The following SLC39A11 variants were observed in gnomAD, a reference collection of about 807,000 sequenced individuals.
SLC39A11 encodes the protein zinc transporter ZIP11.
In SLC39A11, 33 loss-of-function variants were observed where a neutral mutation model predicts 36.1. That is an observed-to-expected ratio of 0.91 (90% CI 0.69 to 1.22). The LOEUF (loss-of-function observed/expected upper bound fraction) is 1.22. Among genes scored for constraint, SLC39A11 ranks in the 50% most tolerant of loss-of-function variants. The pLI is 0.00. For synonymous variants in SLC39A11, 166 were observed against 170.3 expected (o/e 0.97, Z 0.20); for missense variants, 432 against 430.3 (o/e 1.00, Z -0.03).
intron 6 of SLC39A11, among the ~76,000 whole-genome samples, chr17:72,749,397 T>C (rs1002506112): frequency 2.6e-5 from 4 of 152,166 alleles, no homozygotes; most frequent in African/African-American, 9.7e-5. Flanking sequence ...AGTGTCTGGA[T>C]CTGACAGATT....
At chr17:72,935,080 T>G (rs573358192) in intron 5 of SLC39A11, among the ~76,000 whole-genome samples, 3 of 152,204 alleles carry the variant, frequency 2.0e-5, no homozygotes, top group Non-Finnish European at 4.4e-5. Flanking sequence ...TGATAGACGT[T>G]TCATTCATAA....
At chr17:72,975,498 C>T (rs766760862) in intron 4 of SLC39A11, among the ~76,000 whole-genome samples, 12 of 152,152 alleles carry the variant, frequency 7.9e-5, no homozygotes, top group Non-Finnish European at 1.5e-4. Flanking sequence ...AGAGCTGCCT[C>T]ACCCCTTCCG....
chr17:72,911,891 G>A (rs570773777), intron 5 of SLC39A11, among the ~76,000 whole-genome samples: 10 of 152,132 alleles, frequency 6.6e-5, no homozygotes, highest in Non-Finnish European at 8.8e-5. Context: ...TGATCTGCCC[G>A]CCTTGGCCTC....
Position 72,782,154 on chromosome 17 carries a change from GC to G in SLC39A11, c.602-45436del, listed in dbSNP as rs138647987. Among the ~76,000 whole-genome samples, 1,401 of 152,246 alleles carry G rather than the reference GC, an allele frequency of 9.2e-3. 20 individuals are homozygous for G. The highest frequency in any genetic ancestry group is 0.032 in the African/African-American group (1,329 of 41,536). ...CCTTCTAAGAGGAAAAGAAGGGGAAGCAGACATAGAGACACCCAGAGGAGAA... is the reference window on the plus strand; with the variant it reads ...CCTTCTAAGAGGAAAAGAAGGGGAAGAGACATAGAGACACCCAGAGGAGAA... On this transcript the variant is annotated intron_variant, in intron 6 of 9. Coordinates refer to ENST00000255559, the MANE Select transcript of SLC39A11 (RefSeq NM_139177.4).
At chr17:73,062,286 C>T (rs990508502) in intron 3 of SLC39A11, among the ~76,000 whole-genome samples, 4 of 151,134 alleles carry the variant, frequency 2.6e-5, no homozygotes, top group Non-Finnish European at 4.4e-5. Flanking sequence ...ATAGCAAAAC[C>T]CCATCTCTAT....
chr17:72,685,564 CG>C (rs1201615367), intron 7 of SLC39A11, among the ~76,000 whole-genome samples: 1 of 150,876 alleles, frequency 6.6e-6, no homozygotes, highest in Non-Finnish European at 1.5e-5. Context: ...ATCTCAGGAA[CG>C]TGGCAAAGGT....
intron 4 of SLC39A11, among the ~76,000 whole-genome samples, chr17:73,028,385 G>A (rs59477937): frequency 0.044 from 6,656 of 152,232 alleles, 187 homozygotes; most frequent in East Asian, 0.077. Context: ...CCCTTTTCAG[G>A]TCTGGTGAGC....
chr17:73,067,717 CTATGGA>C (rs1471887333), intron 3 of SLC39A11, among the ~76,000 whole-genome samples: 1 of 152,112 alleles, frequency 6.6e-6, no homozygotes, highest in East Asian at 1.9e-4. Flanking sequence ...TCCATTCATG[CTATGGA>C]TGTTTTCTTA....
chr17:73,032,487 G>A (rs1411679179), intron 3 of SLC39A11, among the ~76,000 whole-genome samples: 1 of 152,184 alleles, frequency 6.6e-6, no homozygotes, highest in African/African-American at 2.4e-5. Context: ...GATTAAAGGT[G>A]TGAGCCACCA....
chr17:72,990,487 G>A lies in SLC39A11; in HGVS notation c.306+41069C>T, dbSNP rs760510703. Among the ~76,000 whole-genome samples the A allele has an allele frequency of 3.9e-5, 6 of 151,992 alleles. No homozygotes were observed. The South Asian group carries it at 6.2e-4, about 16-fold the overall frequency. ...GGCTGGAGTGTAGTGGCGTGATCTCGACTCACTGAAACCTTGGCTTCCCAG... is the reference window on the plus strand; with the variant it reads ...GGCTGGAGTGTAGTGGCGTGATCTCAACTCACTGAAACCTTGGCTTCCCAG... On this transcript the variant is annotated intron_variant, in intron 4 of 9. Transcript: ENST00000255559.
intron 3 of SLC39A11, among the ~76,000 whole-genome samples, chr17:73,040,446 T>A (rs1246515872): frequency 6.6e-6 from 1 of 152,240 alleles, no homozygotes; most frequent in Admixed American, 6.5e-5. Flanking sequence ...CTGATTGGTA[T>A]CTGAGAACAG....
chr17:73,000,977 A>G (rs2089788024), intron 4 of SLC39A11, among the ~76,000 whole-genome samples: 2 of 152,260 alleles, frequency 1.3e-5, no homozygotes, highest in South Asian at 2.1e-4. Context: ...GCCGTAATTC[A>G]TTCCTATAGT....
intron 5 of SLC39A11, among the ~76,000 whole-genome samples, chr17:72,880,499 G>T (rs2081141830): frequency 6.6e-6 from 1 of 152,022 alleles, no homozygotes; most frequent in Admixed American, 6.5e-5. Flanking sequence ...TTGAGCTCTG[G>T]GAGGCAGAGG....
chr17:73,036,569 C>CA, intron 3 of SLC39A11, among the ~76,000 whole-genome samples: 1 of 152,282 alleles, frequency 6.6e-6, no homozygotes, highest in East Asian at 1.9e-4. Context: ...GCCTCAGCCT[C>CA]CTGAGCAGCT....
intron 7 of SLC39A11, among the ~76,000 whole-genome samples, chr17:72,693,574 C>T (rs1217118070): frequency 6.6e-6 from 1 of 152,166 alleles, no homozygotes; most frequent in African/African-American, 2.4e-5. Context: ...CCAAGCGTGG[C>T]AGATCTCACG....
chr17:72,876,203 T>C (rs1368345869), intron 5 of SLC39A11, among the ~76,000 whole-genome samples: 1 of 152,022 alleles, frequency 6.6e-6, no homozygotes, highest in Non-Finnish European at 1.5e-5. Context: ...AAAGCCTCCA[T>C]CAAGATCAAT....
intron 5 of SLC39A11, among the ~76,000 whole-genome samples, chr17:72,946,462 C>G (rs560261471): frequency 4.6e-5 from 7 of 152,248 alleles, no homozygotes; most frequent in African/African-American, 1.7e-4. Flanking sequence ...ATTTGCTCTC[C>G]CTAAGGGGTA....
chr17:72,947,029 G>A (rs1008120232), intron 5 of SLC39A11, among the ~76,000 whole-genome samples: 42 of 152,304 alleles, frequency 2.8e-4, no homozygotes, highest in Middle Eastern at 3.4e-3. Flanking sequence ...TGAGAGAAAC[G>A]TCCACAGTTG....
intron 5 of SLC39A11, among the ~76,000 whole-genome samples, chr17:72,852,918 G>A (rs2079434897): frequency 2.0e-5 from 3 of 152,184 alleles, no homozygotes; most frequent in African/African-American, 7.2e-5. Context: ...CTGATTTCCT[G>A]TGCCTGGTCT....
Sources: allele counts gnomAD v4.1 joint callset (sites outside exome capture counted in the v4.1 genomes callset), GRCh38; gene constraint gnomAD v4.1.1; transcripts MANE v1.5; gene names NCBI Gene and HGNC (gene_info 2026-07-23, HGNC 2026-07-21).